STK33: variants seen among roughly 807,000 people sequenced by gnomAD.
STK33 encodes serine/threonine kinase 33.
Under a neutral mutation model 58.0 loss-of-function variants are expected in STK33, and 52 were observed. The observed-to-expected ratio is 0.90, with a 90% CI of 0.72 to 1.13. STK33 has a LOEUF of 1.13. STK33 is among the 50% of genes most tolerant of loss of function. The probability of loss-of-function intolerance (pLI) is 0.00; values close to 1 mark genes in which losing one functional copy is unlikely to be tolerated. For synonymous variants in STK33, 215 were observed against 200.1 expected (o/e 1.07, Z -0.63); for missense variants, 630 against 604.2 (o/e 1.04, Z -0.45).
intron 1 of STK33, among the ~76,000 whole-genome samples, chr11:8,571,141 G>GCAGTT (rs537269036): frequency 6.3e-4 from 96 of 152,248 alleles, no homozygotes; most frequent in African/African-American, 2.2e-3. Context: ...CAAAAGCCCA[G>GCAGTT]CAGTTTAGCT....
At chr11:8,468,736 T>C (rs937764589) in intron 6 of STK33, among the ~76,000 whole-genome samples, 1 of 152,176 alleles carries the variant, frequency 6.6e-6, no homozygotes, top group Non-Finnish European at 1.5e-5. Flanking sequence ...TCAGAAAACT[T>C]AATTATAAAA....
Position 8,392,651 on chromosome 11 carries a change from A to G in STK33, c.1404T>C (p.Ser468=). The change falls in exon 16 of 16, where the codon AGT becomes AGC. Residue 468 remains serine, a synonymous_variant. Transcript: ENST00000687296. ...ATSKDNFDMC[S]SSFTSSKLLP... ...GGAGTTTGCTAGATGTGAAACTTGA[A>G]CTGCACATATCAAAGTTGTCCTTAC... The G allele has an allele frequency of 6.2e-7, 1 of 1,614,182 alleles. No homozygotes were observed.
intron 7 of STK33, among the ~76,000 whole-genome samples, chr11:8,463,840 C>A (rs1330442418): frequency 1.3e-5 from 2 of 152,044 alleles, no homozygotes; most frequent in Non-Finnish European, 2.9e-5. Flanking sequence ...CTAGCTAACA[C>A]CAAAGGAGAA....
chr11:8,391,329 G>T (rs946269286), downstream of STK33, among the ~76,000 whole-genome samples: 1 of 152,200 alleles, frequency 6.6e-6, no homozygotes, highest in Admixed American at 6.5e-5. Flanking sequence ...TGGCCAGCAG[G>T]TTCCCCCAAG....
At chr11:8,417,994 T>A (rs928052184) in intron 14 of STK33, among the ~76,000 whole-genome samples, 13 of 152,182 alleles carry the variant, frequency 8.5e-5, no homozygotes, top group African/African-American at 3.1e-4. Context: ...GTTGTACTAC[T>A]GATGTAATAG....
intron 11 of STK33, among the ~76,000 whole-genome samples, chr11:8,443,044 T>G (rs1292099245): frequency 6.6e-6 from 1 of 152,186 alleles, no homozygotes; most frequent in Non-Finnish European, 1.5e-5. Context: ...ATTACACAAG[T>G]GTATGCATTT....
the STK33 span, among the ~76,000 whole-genome samples, chr11:8,336,948 C>T: frequency 6.6e-6 from 1 of 152,272 alleles, no homozygotes; most frequent in African/African-American, 2.4e-5. Flanking sequence ...GAGGAGGCCT[C>T]CTGGCAGCCT....
rs147618382 is a variant in STK33 at position 8,513,081 on chromosome 11, T to C, written c.-465-32467A>G. 2.5e-3 allele frequency among the ~76,000 whole-genome samples: 380 copies of C among 152,336 alleles called. 2 individuals are homozygous for C. The highest frequency in any genetic ancestry group is 4.1e-3 in the Non-Finnish European group (278 of 68,028). ...TGGTTATAAGCGGCACTCTTATGAATAATGATGCATATAAGTTGCTAATGT... is the reference window on the plus strand; with the variant it reads ...TGGTTATAAGCGGCACTCTTATGAACAATGATGCATATAAGTTGCTAATGT... On this transcript the variant is annotated intron_variant, in intron 1 of 15. Coordinates refer to ENST00000687296, the MANE Select transcript of STK33 (RefSeq NM_001352389.2).
At chr11:8,517,455 C>A (rs746134674) in intron 1 of STK33, among the ~76,000 whole-genome samples, 2 of 152,190 alleles carry the variant, frequency 1.3e-5, no homozygotes, top group Admixed American at 6.5e-5. Flanking sequence ...CAGCTCCTCG[C>A]CAGCAACGGA....
At chr11:8,539,439 AGCCAGCTG>A in intron 1 of STK33, among the ~76,000 whole-genome samples, 1 of 152,118 alleles carries the variant, frequency 6.6e-6, no homozygotes, top group Non-Finnish European at 1.5e-5. Flanking sequence ...CAAGGGAGCA[AGCCAGCTG>A]GCCAATATGA....
chr11:8,517,223 T>C (rs114055773), intron 1 of STK33, among the ~76,000 whole-genome samples: 3,540 of 152,194 alleles, frequency 0.023, 148 homozygotes, highest in African/African-American at 0.079. Context: ...GCAAACAGGG[T>C]CTAGAGTACG....
At chr11:8,514,586 A>G (rs1393339511) in intron 1 of STK33, among the ~76,000 whole-genome samples, 3 of 152,194 alleles carry the variant, frequency 2.0e-5, no homozygotes, top group Non-Finnish European at 4.4e-5. Flanking sequence ...GCCTTATTAC[A>G]TTGAGGTAGA....
intron 14 of STK33, among the ~76,000 whole-genome samples, chr11:8,433,182 G>T (rs965519023): frequency 1.3e-5 from 2 of 152,154 alleles, no homozygotes; most frequent in Non-Finnish European, 2.9e-5. Flanking sequence ...AGAATCCTTT[G>T]AGAGAGCAAC....
chr11:8,524,069 A>T (rs1384932158), intron 1 of STK33, among the ~76,000 whole-genome samples: 3 of 152,228 alleles, frequency 2.0e-5, no homozygotes, highest in Non-Finnish European at 2.9e-5. Context: ...GGTTAAATGG[A>T]TTAAGGGCGG....
chr11:8,494,246 A>G (rs541230921), intron 1 of STK33, among the ~76,000 whole-genome samples: 40 of 152,348 alleles, frequency 2.6e-4, no homozygotes, highest in African/African-American at 8.9e-4. Context: ...CAACTTCAGC[A>G]AAGTCTCAGG....
chr11:8,549,085 TAAAC>T (rs1157146363), intron 1 of STK33, among the ~76,000 whole-genome samples: 3 of 152,204 alleles, frequency 2.0e-5, no homozygotes, highest in Admixed American at 6.5e-5. Flanking sequence ...TTAGAACTGA[TAAAC>T]AAATTATTAG....
At chr11:8,429,111 C>T (rs1016297087) in intron 14 of STK33, among the ~76,000 whole-genome samples, 1 of 151,904 alleles carries the variant, frequency 6.6e-6, no homozygotes, top group African/African-American at 2.4e-5. Flanking sequence ...GAATGAATAA[C>T]CTAGTTTCTG....
chr11:8,545,332 A>C (rs1955829165), intron 1 of STK33, among the ~76,000 whole-genome samples: 1 of 152,180 alleles, frequency 6.6e-6, no homozygotes, highest in Non-Finnish European at 1.5e-5. Context: ...GCAAACCTTT[A>C]AAAGAGAGGC....
intron 3 of STK33, among the ~76,000 whole-genome samples, 174 bp from the exon 4 acceptor site, chr11:8,476,925 C>T (rs1318212514): frequency 6.6e-6 from 1 of 152,078 alleles, no homozygotes; most frequent in African/African-American, 2.4e-5. Flanking sequence ...AAATGCTGTA[C>T]TTACATTTAC....
Sources: gnomAD v4.1 joint callset for allele counts (sites outside exome capture counted in the v4.1 genomes callset) on GRCh38, gnomAD v4.1.1 for gene constraint, MANE v1.5 for transcripts, NCBI Gene and HGNC (gene_info 2026-07-23, HGNC 2026-07-21) for gene names.